The following MZB1 variants were observed in gnomAD, a reference collection of about 807,000 sequenced individuals.
MZB1 encodes marginal zone B and B1 cell specific protein, also known as marginal zone B- and B1-cell-specific protein.
In MZB1, 10 loss-of-function variants were observed where a neutral mutation model predicts 17.2. The observed-to-expected ratio is 0.58, with a 90% CI of 0.36 to 0.98. The LOEUF (loss-of-function observed/expected upper bound fraction) is 0.98. MZB1 is among the 50% of genes least tolerant of loss of function. The pLI is 0.01. For missense variants in MZB1, 246 were observed against 237.5 expected (o/e 1.04, Z -0.23); for synonymous variants, 99 against 98.7 (o/e 1.00, Z -0.02).
chr5:139,389,821 C>T lies in MZB1; in HGVS notation c.36G>A (p.Leu12=). 1 of 1,475,728 alleles carries T rather than the reference C, an allele frequency of 6.8e-7. No individual in the cohort carries two copies. Among genetic ancestry groups the T allele is most frequent in the Non-Finnish European group, 9.1e-7 (1 of 1,102,612 alleles). The allele number at this position is 1,475,728 out of a possible 1,614,324, so 91.4% of individuals were successfully genotyped here. The change falls in exon 1 of 4, where the codon CTG becomes CTA. Residue 12 remains leucine, a synonymous_variant. Coordinates refer to ENST00000302125, the MANE Select transcript of MZB1 (RefSeq NM_016459.4). Reference sequence around the variant, plus strand: ...GGCCCCCTGGGATGGCCCAGGCTCCCAGCAGCAGCAGCAGCAGTGGCAGTG... The same window carrying T: ...GGCCCCCTGGGATGGCCCAGGCTCCTAGCAGCAGCAGCAGCAGTGGCAGTG... ...RLSLPLLLLL[L]GAWAIPGGLG... is the part of the protein sequence containing the mutation.
chr5:139,388,743 G>A, intron 1 of MZB1, 158 bp from the exon 2 acceptor site: 1 of 1,241,258 alleles, frequency 8.1e-7, no homozygotes, highest in Non-Finnish European at 1.1e-6. Context: ...CCCTCCCCCA[G>A]CCCCCAAAGC....
chr5:139,387,623 G>T lies in MZB1; in HGVS notation c.*142C>A. On this transcript the variant is annotated 3_prime_UTR_variant, in exon 4 of 4. Coordinates refer to ENST00000302125, the MANE Select transcript of MZB1 (RefSeq NM_016459.4). ...GGGGAAGGCGTTGACTCCCACCCAGGCCCGAGTGCCCTGAGGCTGGAGGAG... is the reference window on the plus strand; with the variant it reads ...GGGGAAGGCGTTGACTCCCACCCAGTCCCGAGTGCCCTGAGGCTGGAGGAG... 1 of 1,045,898 alleles carries T rather than the reference G, an allele frequency of 9.6e-7. No homozygotes were observed. Among genetic ancestry groups the T allele is most frequent in the Non-Finnish European group, 1.3e-6 (1 of 771,024 alleles). 64.8% of individuals were successfully genotyped at this position (1,045,898 alleles called of 1,614,324 possible). A position where few individuals can be genotyped will look rare whatever the true frequency, so the allele number is the denominator to read the frequency against.
At position 139,389,569 on chromosome 5, in the gene MZB1, C is replaced by T. The variant is rs547161788; in HGVS notation, c.177+111G>A. 2.5e-5 allele frequency: 32 copies of T among 1,281,018 alleles called. No homozygotes were observed. The African/African-American group carries it at 4.6e-4, about 18-fold the overall frequency. The allele number at this position is 1,281,018 out of a possible 1,614,324, so 79.4% of individuals were successfully genotyped here. ...AAGGCTGCATCTGTGGCTTGATGCC[C>T]AGTGGTAGGGATTGGGGATCAAAGG... On this transcript the variant is annotated intron_variant, in intron 1 of 3. Coordinates refer to ENST00000302125, the MANE Select transcript of MZB1 (RefSeq NM_016459.4).
Position 139,387,522 on chromosome 5 carries a change from T to C in MZB1, c.*243A>G, listed in dbSNP as rs1360722292. 3 of 323,036 alleles carry C rather than the reference T, an allele frequency of 9.3e-6. No individual in the cohort carries two copies. The highest frequency in any genetic ancestry group is 1.7e-5 in the Non-Finnish European group (3 of 178,950). The allele number at this position is 323,036 out of a possible 1,614,324, so 20.0% of individuals were successfully genotyped here. A position where few individuals can be genotyped will look rare whatever the true frequency, so the allele number is the denominator to read the frequency against. ...CAAGGGACATCAGCAGAAACACCAA[T>C]GTCTGCACTCCCAGCCCCACAAGCA... On this transcript the variant is annotated 3_prime_UTR_variant, in exon 4 of 4. Coordinates refer to ENST00000302125, the MANE Select transcript of MZB1 (RefSeq NM_016459.4).
In MZB1 at chr5:139,388,128, G is replaced by A. The variant is rs760004899; in HGVS notation, c.306C>T (p.Tyr102=). Residue 102 remains tyrosine (Y), a synonymous_variant, in exon 3 of 4, where the codon TAC becomes TAT. Coordinates refer to ENST00000302125, the MANE Select transcript of MZB1 (RefSeq NM_016459.4). ...TCACTTGGTCCACTTCTCGAACTCC[G>A]TAGCTGGTGGCAGTGGAGAGGAGAG... ...DRSCSRNWQD[Y]GVREVDQVKR... The A allele has an allele frequency of 3.5e-5, 55 of 1,550,260 alleles. No homozygotes were observed. Among genetic ancestry groups the A allele is most frequent in the Middle Eastern group, 2.0e-4 (1 of 4,894 alleles).
intron 1 of MZB1, 103 bp downstream of exon 1, chr5:139,389,577 G>T: frequency 7.5e-7 from 1 of 1,332,098 alleles, no homozygotes; most frequent in Non-Finnish European, 1.0e-6. Flanking sequence ...CCCAGTGGTA[G>T]GGATTGGGGA....
At position 139,389,834 on chromosome 5, in the gene MZB1, A is replaced by AGCAGTG. The variant is rs1419843330; in HGVS notation, c.17_22dup (p.Pro6_Leu7dup). On this transcript the variant is annotated inframe_insertion, in exon 1 of 4. Transcript: ENST00000302125. ...GGCCCAGGCTCCCAGCAGCAGCAGC[A>AGCAGTG]GCAGTGGCAGTGACAGCCTCATGGC... 1.9e-6 allele frequency: 3 copies of AGCAGTG among 1,547,700 alleles called. No individual in the cohort carries two copies. The highest frequency in any genetic ancestry group is 2.0e-5 in the Admixed American group (1 of 50,972).
intron 2 of MZB1, 44 bp downstream of exon 2, chr5:139,388,417 C>T: frequency 6.6e-7 from 1 of 1,520,520 alleles, no homozygotes; most frequent in Non-Finnish European, 8.8e-7. Context: ...CCCACCAGGC[C>T]TGCCCTTGGA....
In MZB1 at chr5:139,387,898, T is replaced by C. The variant is rs1241275858; in HGVS notation, c.437A>G (p.Tyr146Cys). ...CTGGTCTTCTCCAAACTCCCCCAAG[T>C]AGTGCAAACATGTCCTGGAGAGCCT... ...PTRLSRTCLHYLGEFGEDQIY... is the reference protein window; with the variant it reads ...PTRLSRTCLHCLGEFGEDQIY... The change falls in exon 4 of 4, where the codon TAC becomes TGC. Residue 146 changes from tyrosine to cysteine, a missense_variant. By Grantham distance (194) the Tyr-to-Cys change is radical. Transcript: ENST00000302125. 1 of 1,593,890 alleles carries C rather than the reference T, an allele frequency of 6.3e-7. No homozygotes were observed. Among genetic ancestry groups the C allele is most frequent in the South Asian group, 1.1e-5 (1 of 87,828 alleles).
intron 1 of MZB1, 139 bp downstream of exon 1, chr5:139,389,541 T>C (rs1245195215): frequency 1.9e-6 from 2 of 1,058,526 alleles, no homozygotes; most frequent in Non-Finnish European, 2.8e-6. Context: ...ATGGAATATA[T>C]GAAAGGCTGC....
Position 139,387,697 on chromosome 5 carries a change from C to T in MZB1, c.*68G>A. ...CAAGGGCTTCCTGCCCTCCTGGCTG[C>T]CTGCAGACGGGAGTGGAGACCGTCA... On this transcript the variant is annotated 3_prime_UTR_variant, in exon 4 of 4. Coordinates refer to ENST00000302125, the MANE Select transcript of MZB1 (RefSeq NM_016459.4). 2.1e-6 allele frequency: 3 copies of T among 1,462,046 alleles called. No homozygotes were observed. Among genetic ancestry groups the T allele is most frequent in the Non-Finnish European group, 2.7e-6 (3 of 1,108,788 alleles). 90.6% of individuals were successfully genotyped at this position (1,462,046 alleles called of 1,614,324 possible).
chr5:139,388,218 G>A (rs1240447700), intron 2 of MZB1, 87 bp from the exon 3 acceptor site: 1 of 1,305,766 alleles, frequency 7.7e-7, no homozygotes, highest in Non-Finnish European at 1.1e-6. Flanking sequence ...TGGACATGCT[G>A]GGCATTTGTG....
chr5:139,389,269 C>T (rs527466035), intron 1 of MZB1: 319 of 370,990 alleles, frequency 8.6e-4, no homozygotes, highest in Non-Finnish European at 1.4e-3. Context: ...CACAGAGACA[C>T]TGGCACGCAG....
In MZB1 at chr5:139,388,024, G is replaced by A. The variant is rs887965753; in HGVS notation, c.410C>T (p.Thr137Ile). 1 of 1,559,696 alleles carries A rather than the reference G, an allele frequency of 6.4e-7. No individual in the cohort carries two copies. Among genetic ancestry groups the A allele is most frequent in the African/African-American group, 1.4e-5 (1 of 73,384 alleles). ...SVMVTGGPWPTRLSRTCLHYL... is the reference protein window; with the variant it reads ...SVMVTGGPWPIRLSRTCLHYL... ...ATCCCCAAGCCCCGGGCATCACCTGGTAGGCCAGGGGCCCCCTGTGACCAT... is the reference window on the plus strand; with the variant it reads ...ATCCCCAAGCCCCGGGCATCACCTGATAGGCCAGGGGCCCCCTGTGACCAT... The change falls in exon 3 of 4, where the codon ACC becomes ATC. Residue 137 changes from threonine to isoleucine, a missense_variant. By Grantham distance (89) the Thr-to-Ile change is moderately conservative. Coordinates refer to ENST00000302125, the MANE Select transcript of MZB1 (RefSeq NM_016459.4).
rs964240562 is a variant in MZB1 at position 139,389,682 on chromosome 5, G to A, written c.175C>T (p.Gln59Ter). The A allele has an allele frequency of 6.3e-7, 1 of 1,588,366 alleles. No individual in the cohort carries two copies. Among genetic ancestry groups the A allele is most frequent in the Admixed American group, 1.8e-5 (1 of 56,074 alleles). ...GGTGACAGTGGTGAAGGACTCACCT[G>A]GTAAGCCACAGCTCTGCAGGCATCA... ...RCDACRAVAY[Q>*]MWQNLAKAET... is the part of the protein sequence containing the mutation. The change falls in exon 1 of 4, where the codon CAG becomes TAG. Residue 59 changes from glutamine to a stop codon, truncating the protein, a stop_gained and splice_region_variant. Transcript: ENST00000302125. LOFTEE classifies it high-confidence loss of function.
At chr5:139,388,277 T>G (rs1013242194) in intron 2 of MZB1, 146 bp from the exon 3 acceptor site, 13 of 1,043,068 alleles carry the variant, frequency 1.2e-5, no homozygotes, top group Admixed American at 2.7e-5. Flanking sequence ...GGTGACCTTG[T>G]CCACTGGCCC....
chr5:139,388,271 A>T, intron 2 of MZB1, 140 bp from the exon 3 acceptor site: 1 of 1,055,288 alleles, frequency 9.5e-7, no homozygotes, highest in South Asian at 1.7e-5. Context: ...TCACAAGGTG[A>T]CCTTGTCCAC....
In MZB1 at chr5:139,387,494, T is replaced by TTAA; in HGVS notation, c.*270_*271insTTA. ...GATTTTGAGAGTTTTTTTTTTTTTT[T>TTAA]CACAAGGGACATCAGCAGAAACACC... On this transcript the variant is annotated 3_prime_UTR_variant, in exon 4 of 4. Transcript: ENST00000302125. 3.4e-6 allele frequency: 1 copy of TTAA among 296,732 alleles called. No individual in the cohort carries two copies. The highest frequency in any genetic ancestry group is 6.2e-6 in the Non-Finnish European group (1 of 161,638). The allele number at this position is 296,732 out of a possible 1,614,324, so 18.4% of individuals were successfully genotyped here.
rs1561987677 is a variant in MZB1, at chr5:139,389,820, C to T, written c.37G>A (p.Gly13Arg). Residue 13 changes from glycine to arginine, a missense_variant, in exon 1 of 4, where the codon GGA (glycine) becomes AGA (arginine). Transcript: ENST00000302125. The stretch of plus-strand genomic sequence containing the variant: ...AGGCCCCCTGGGATGGCCCAGGCTC[C>T]CAGCAGCAGCAGCAGCAGTGGCAGT... The part of the protein sequence containing the change: ...LSLPLLLLLL[G>R]AWAIPGGLGD... 1 of 1,548,194 alleles carries T rather than the reference C, an allele frequency of 6.5e-7. No homozygotes were observed. Among genetic ancestry groups the T allele is most frequent in the Non-Finnish European group, 8.7e-7 (1 of 1,146,268 alleles).
Sources: gnomAD v4.1 joint callset for allele counts on GRCh38, gnomAD v4.1.1 for gene constraint, MANE v1.5 for transcripts, NCBI Gene and HGNC (gene_info 2026-07-23, HGNC 2026-07-21) for gene names.